Variants in CCDC88A observed in about 807,000 individuals in gnomAD.
The protein encoded by CCDC88A is girdin.
In CCDC88A, 54 loss-of-function variants were observed where a neutral mutation model predicts 234.3. The ratio of observed to expected loss-of-function variants is 0.23; its 90% CI spans 0.19 to 0.29. CCDC88A has a LOEUF of 0.29. CCDC88A is among the 10% of genes least tolerant of loss of function. CCDC88A has a pLI of 1.00. For missense variants in CCDC88A, 1,832 were observed against 2,123.4 expected, an observed-to-expected ratio of 0.86 and a Z score of 2.70; for synonymous variants, 753 against 737.8, an observed-to-expected ratio of 1.02 and a Z score of -0.33.
intron 10 of CCDC88A, 32 bp from the exon 11 acceptor site, chr2:55,344,546 C>A (rs964231039): frequency 7.9e-7 from 1 of 1,268,350 alleles, no homozygotes; most frequent in South Asian, 1.7e-5. Flanking sequence ...GTGTTAATAT[C>A]TGTTAATTTT....
At chr2:55,402,876 G>A (rs542384305) in intron 2 of CCDC88A, among the ~76,000 whole-genome samples, 13 of 152,012 alleles carry the variant, frequency 8.6e-5, no homozygotes, top group Non-Finnish European at 1.5e-4. Context: ...AGGCGTGGTG[G>A]TGGGCACCTG....
chr2:55,417,175 GTATT>G (rs1681630477), intron 2 of CCDC88A: 1 of 151,760 alleles, frequency 6.6e-6, no homozygotes, highest in South Asian at 2.1e-4. Flanking sequence ...CCTCAGCTAA[GTATT>G]TAGGATGCAA....
At chr2:55,321,789 C>T (rs1446264995) in intron 18 of CCDC88A, among the ~76,000 whole-genome samples, 3 of 151,856 alleles carry the variant, frequency 2.0e-5, no homozygotes, top group Non-Finnish European at 2.9e-5. Context: ...AGATAAATGA[C>T]AAGAAAATTT....
intron 2 of CCDC88A, chr2:55,417,212 G>C (rs1681636661): frequency 6.6e-6 from 1 of 151,794 alleles, no homozygotes; most frequent in Non-Finnish European, 1.5e-5. Flanking sequence ...AATTTTTCTG[G>C]AAAAAGAATC....
rs1671786069 is a variant in CCDC88A, at chr2:55,365,131, T to G, written c.403-1098A>C. On this transcript the variant is annotated intron_variant, in intron 5 of 32. Transcript: ENST00000436346. The stretch of plus-strand genomic sequence containing the variant: ...CTATATCTTGTAAACACAGAATTAT[T>G]AGGATAATAAAATGGTTAAAACTAA... 2.0e-5 allele frequency among the ~76,000 whole-genome samples: 3 copies of G among 152,282 alleles called. No individual in the cohort carries two copies. In the South Asian group the frequency reaches 6.2e-4, roughly 32 times the overall value.
chr2:55,364,120 G>C (rs1671665978), intron 5 of CCDC88A, 87 bp from the exon 6 acceptor site: 1 of 571,070 alleles, frequency 1.8e-6, no homozygotes, highest in African/African-American at 1.9e-5. Context: ...TATGAGGTTT[G>C]CTATATTTTG....
chr2:55,339,398 T>C lies in CCDC88A; in HGVS notation c.1518+66A>G, dbSNP rs574040289. 2.4e-6 allele frequency: 3 copies of C among 1,236,928 alleles called. No homozygotes were observed. The East Asian group carries it at 8.0e-5, about 33-fold the overall frequency. 76.6% of individuals were successfully genotyped at this position (1,236,928 alleles called of 1,614,324 possible). A position where few individuals can be genotyped will look rare whatever the true frequency, so the allele number is the denominator to read the frequency against. On this transcript the variant is annotated intron_variant, in intron 13 of 32. Transcript: ENST00000436346. ...GTGCATTTAAAAAGTGGAAAATAAA[T>C]GGGCTATTTATTTACACTTTTACAA...
chr2:55,294,223 GA>G (rs1679768238), intron 31 of CCDC88A: 12 of 908,732 alleles, frequency 1.3e-5, no homozygotes, highest in Non-Finnish European at 1.6e-5. Context: ...AAAAGAACTG[GA>G]AAAACTATTG....
Position 55,317,840 on chromosome 2 carries a change from A to G in CCDC88A, c.3326T>C (p.Val1109Ala). 6.3e-7 allele frequency: 1 copy of G among 1,592,412 alleles called. No homozygotes were observed. Among genetic ancestry groups the G allele is most frequent in the Non-Finnish European group, 8.6e-7 (1 of 1,165,518 alleles). The change falls in exon 20 of 33, where the codon GTT becomes GCT. Residue 1109 changes from valine (V) to alanine (A), a missense_variant and splice_region_variant. Around this residue, in one of 6 missense-constraint regions of CCDC88A, gnomAD observed 1,282 missense variants for 1,543.6 expected, o/e 0.83. Coordinates refer to ENST00000436346, the MANE Select transcript of CCDC88A (RefSeq NM_001365480.1). This position sits in a 1 kb window ranked among gnomAD's most constrained non-coding sequence, Gnocchi z 4.2. ...TTGGGAATTAAGGGTGGAATTTTCA[A>G]CCTATAAGAATATATATTGTTATCA... is the stretch of plus-strand genomic sequence containing the variant. The part of the protein sequence containing the change: ...TLQTQNAKLQ[V>A]ENSTLNSQST...
At chr2:55,403,320 C>T (rs1679029679) in intron 2 of CCDC88A, 1 of 152,186 alleles carries the variant, frequency 6.6e-6, no homozygotes, top group South Asian at 2.1e-4. Context: ...AATCATCGCA[C>T]TTTGTTATGC....
At chr2:55,339,277 C>CT (rs1485236933) in intron 13 of CCDC88A, 187 bp downstream of exon 13, 1 of 577,146 alleles carries the variant, frequency 1.7e-6, no homozygotes, top group Non-Finnish European at 2.8e-6. Context: ...CTAGTAAGTT[C>CT]TTAATTGCTG....
chr2:55,303,073 G>C lies in CCDC88A; in HGVS notation c.4467C>G (p.Ser1489=). ...TGAACTGTCATAAAGTCTTACACAT[G>C]GAACGACGGTAGCAGGCCTTCATTT... ...KDKMKACYRR[S]MSMNDLVQSM... Residue 1489 remains serine, a synonymous_variant, in exon 26 of 33, where the codon TCC becomes TCG. Coordinates refer to ENST00000436346, the MANE Select transcript of CCDC88A (RefSeq NM_001365480.1). 6.5e-7 allele frequency: 1 copy of C among 1,547,090 alleles called. No individual in the cohort carries two copies. The highest frequency in any genetic ancestry group is 8.8e-7 in the Non-Finnish European group (1 of 1,142,620).
intron 2 of CCDC88A, among the ~76,000 whole-genome samples, chr2:55,410,533 G>T (rs962445785): frequency 3.3e-5 from 5 of 152,050 alleles, no homozygotes; most frequent in African/African-American, 4.8e-5. Context: ...AAATGTTAGG[G>T]GCAGATCTCC....
chr2:55,346,152 G>T, intron 10 of CCDC88A, 23 bp downstream of exon 10: 1 of 1,532,326 alleles, frequency 6.5e-7, no homozygotes, highest in Non-Finnish European at 8.8e-7. Context: ...AAAAAATCAT[G>T]AATGGTTAAT....
In CCDC88A at chr2:55,318,981, C is replaced by T. The variant is rs1177395187; in HGVS notation, c.3186G>A (p.Lys1062=). The T allele has an allele frequency of 1.9e-6, 3 of 1,613,014 alleles. No homozygotes were observed. In the African/African-American group the frequency reaches 4.0e-5, roughly 22 times the overall value. ...ERNNATLQAE[K]QALKTQLKQL... Reference sequence around the variant, plus strand: ...GCTTCAGTTGAGTTTTCAACGCTTGCTTCTCTGCTTGCAGTGTAGCATTCT... The same window carrying T: ...GCTTCAGTTGAGTTTTCAACGCTTGTTTCTCTGCTTGCAGTGTAGCATTCT... Residue 1062 remains lysine (K), a synonymous_variant, in exon 19 of 33, where the codon AAG becomes AAA. Coordinates refer to ENST00000436346, the MANE Select transcript of CCDC88A (RefSeq NM_001365480.1).
At position 55,318,873 on chromosome 2, in the gene CCDC88A, G is replaced by C; in HGVS notation, c.3294C>G (p.Thr1098=). 6.2e-7 allele frequency: 1 copy of C among 1,611,092 alleles called. No homozygotes were observed. The highest frequency in any genetic ancestry group is 8.5e-7 in the Non-Finnish European group (1 of 1,178,170). Reference sequence around the variant, plus strand: ...GCTTGGCATTCTGTGTTTGAAGAGTGGTATTCTGTTCTTGTAATGACACTG... The same window carrying C: ...GCTTGGCATTCTGTGTTTGAAGAGTCGTATTCTGTTCTTGTAATGACACTG... ...RQTVSLQEQN[T]TLQTQNAKLQ... is the part of the protein sequence containing the mutation. Residue 1098 remains threonine (T), a synonymous_variant, in exon 19 of 33, where the codon ACC becomes ACG. Transcript: ENST00000436346.
At chr2:55,407,351 T>C (rs1679762952) in intron 2 of CCDC88A, among the ~76,000 whole-genome samples, 1 of 152,012 alleles carries the variant, frequency 6.6e-6, no homozygotes, top group African/African-American at 2.4e-5. Flanking sequence ...ATGCCTGTAA[T>C]CCCAGCACTT....
Position 55,390,034 on chromosome 2 carries a change from C to CA in CCDC88A, c.165-1149dup, listed in dbSNP as rs1296981008. Among the ~76,000 whole-genome samples, 89 of 25,074 alleles carry CA rather than the reference C, an allele frequency of 3.5e-3. 6 individuals carry two copies. The highest frequency in any genetic ancestry group is 0.022 in the Middle Eastern group (1 of 46). 16.4% of individuals were successfully genotyped at this position (25,074 alleles called of 152,430 possible). On this transcript the variant is annotated intron_variant, in intron 2 of 32. Coordinates refer to ENST00000436346, the MANE Select transcript of CCDC88A (RefSeq NM_001365480.1). ...CCAGCCTGGGCTACAGAGCGAGACT[C>CA]AAAAAAAAAAAAAAATAAAAAATAA...
At chr2:55,399,403 C>T (rs1678209826) in intron 2 of CCDC88A, among the ~76,000 whole-genome samples, 1 of 151,666 alleles carries the variant, frequency 6.6e-6, no homozygotes. Flanking sequence ...GTGGTGGGTG[C>T]CTGTAATCCC....
Sources: gnomAD v4.1 joint callset for allele counts (sites outside exome capture counted in the v4.1 genomes callset) on GRCh38, gnomAD v4.1.1 for gene constraint, gnomAD v4.1.1 regional missense constraint, Gnocchi (gnomAD v3.1) non-coding constraint, MANE v1.5 for transcripts, NCBI Gene and HGNC (gene_info 2026-07-23, HGNC 2026-07-21) for gene names.